Variants in NIF3L1 observed in about 807,000 individuals in gnomAD.
NIF3L1 encodes the protein NIF3-like protein 1.
Under a neutral mutation model 35.0 loss-of-function variants are expected in NIF3L1, and 26 were observed. That is an observed-to-expected ratio of 0.74 (90% CI 0.54 to 1.03). NIF3L1 has a LOEUF of 1.03. Ranked by LOEUF, NIF3L1 falls within the 50% of genes least tolerant of loss-of-function variation. NIF3L1 has a pLI of 0.00. For missense variants in NIF3L1, 449 were observed against 466.3 expected (o/e 0.96, Z 0.34); for synonymous variants, 157 against 178.9 (o/e 0.88, Z 0.98).
At chr2:200,891,008 G>T (rs1346902591) in intron 1 of NIF3L1, among the ~76,000 whole-genome samples, 1 of 150,870 alleles carries the variant, frequency 6.6e-6, no homozygotes, top group African/African-American at 2.4e-5. Context: ...CGCCAGGCTG[G>T]AGTGCTGTGG....
intron 4 of NIF3L1, 85 bp from the exon 5 acceptor site, chr2:200,896,991 C>G: frequency 1.5e-6 from 2 of 1,322,836 alleles, no homozygotes; most frequent in Non-Finnish European, 1.1e-6. Flanking sequence ...CTATAGTAAT[C>G]TCACAGTGTG....
chr2:200,893,267 T>G lies in NIF3L1; in HGVS notation c.458T>G (p.Ile153Arg). The G allele has an allele frequency of 1.3e-6, 2 of 1,562,934 alleles. No homozygotes were observed. Among genetic ancestry groups the G allele is most frequent in the Non-Finnish European group, 1.7e-6 (2 of 1,152,902 alleles). Residue 153 changes from isoleucine (I) to arginine (R), a missense_variant, in exon 3 of 7, where the codon ATA becomes AGA. Transcript: ENST00000409020. ...KGLGACTSRP[I>R]HPSKAPNYPT... is the part of the protein sequence containing the mutation. ...CTAGGAGCTTGTACCTCCAGGCCCA[T>G]ACATCCTTCCAAAGCTCCCAACTAC...
intron 6 of NIF3L1, among the ~76,000 whole-genome samples, chr2:200,900,455 C>T (rs962728742): frequency 5.3e-5 from 8 of 152,240 alleles, no homozygotes; most frequent in African/African-American, 1.7e-4. Context: ...AGGCTCTAGG[C>T]TCTTAGCCCT....
intron 4 of NIF3L1, 22 bp downstream of exon 4, chr2:200,895,412 T>C: frequency 6.2e-7 from 1 of 1,612,344 alleles, no homozygotes; most frequent in Non-Finnish European, 8.5e-7. Flanking sequence ...ATTTTGTATT[T>C]GATCTTAAAA....
At chr2:200,899,567 G>T in intron 6 of NIF3L1, 99 bp downstream of exon 6, 1 of 751,878 alleles carries the variant, frequency 1.3e-6, no homozygotes, top group Non-Finnish European at 2.3e-6. Flanking sequence ...CCTAATTAAT[G>T]TTTTCTGAAC....
intron 6 of NIF3L1, among the ~76,000 whole-genome samples, 199 bp from the exon 7 acceptor site, chr2:200,903,295 G>A (rs899886610): frequency 1.3e-5 from 2 of 152,168 alleles, no homozygotes; most frequent in East Asian, 1.9e-4. Flanking sequence ...GAGCCACCGC[G>A]CCCAGACTTT....
chr2:200,893,813 C>T (rs1215616712), intron 3 of NIF3L1, among the ~76,000 whole-genome samples: 1 of 152,100 alleles, frequency 6.6e-6, no homozygotes, highest in Non-Finnish European at 1.5e-5. Context: ...TATATATTTT[C>T]ATAAATCAGT....
Position 200,895,259 on chromosome 2 carries a change from C to T in NIF3L1, c.600-5C>T. On this transcript the variant is annotated splice_region_variant and splice_polypyrimidine_tract_variant and intron_variant, in intron 3 of 6. Transcript: ENST00000409020. ...GTCCTAAATGGAGTGATTTTTCCCC[C>T]CTAGGACTGGTAATGAGGAACAAAC... 6.2e-7 allele frequency: 1 copy of T among 1,613,534 alleles called. No individual in the cohort carries two copies. The highest frequency in any genetic ancestry group is 8.5e-7 in the Non-Finnish European group (1 of 1,179,590).
At chr2:200,897,682 T>A (rs1006406084) in intron 5 of NIF3L1, among the ~76,000 whole-genome samples, 6 of 152,248 alleles carry the variant, frequency 3.9e-5, no homozygotes, top group African/African-American at 1.4e-4. Flanking sequence ...TTTGCACTTA[T>A]AAGACTGGTA....
At chr2:200,898,860 T>C (rs781222610) in intron 5 of NIF3L1, among the ~76,000 whole-genome samples, 66 of 152,198 alleles carry the variant, frequency 4.3e-4, no homozygotes, top group Non-Finnish European at 7.5e-4. Context: ...CTTAGCTTCC[T>C]CACCTGAGAA....
upstream of NIF3L1, chr2:200,889,333 C>T (rs1216110872): frequency 3.5e-6 from 1 of 283,646 alleles, no homozygotes; most frequent in African/African-American, 2.2e-5. Flanking sequence ...AGCCAAGTGC[C>T]ACAGCATCCG....
intron 5 of NIF3L1, among the ~76,000 whole-genome samples, chr2:200,898,209 G>GA (rs2040350180): frequency 6.6e-6 from 1 of 152,190 alleles, no homozygotes; most frequent in African/African-American, 2.4e-5. Context: ...CTGCTATGAA[G>GA]AAATACCTGA....
Position 200,892,356 on chromosome 2 carries a change from A to T in NIF3L1, c.413A>T (p.Asn138Ile), listed in dbSNP as rs776260033. 9.4e-6 allele frequency: 15 copies of T among 1,602,324 alleles called. No homozygotes were observed. The highest frequency in any genetic ancestry group is 1.3e-5 in the Non-Finnish European group (15 of 1,175,180). The change falls in exon 2 of 7, where the codon AAC (asparagine) becomes ATC (isoleucine). Residue 138 changes from asparagine (N) to isoleucine (I), a missense_variant. Transcript: ENST00000409020. ...TAYDAAPQGV[N>I]NWLAKGLGAC... ...TATGATGCTGCGCCCCAGGGCGTCAACAACTGGTTGGCTAAAGGGCTTGGT... is the reference window on the plus strand; with the variant it reads ...TATGATGCTGCGCCCCAGGGCGTCATCAACTGGTTGGCTAAAGGGCTTGGT...
intron 6 of NIF3L1, among the ~76,000 whole-genome samples, chr2:200,902,260 T>C (rs1318426381): frequency 3.3e-5 from 5 of 152,214 alleles, no homozygotes; most frequent in African/African-American, 4.8e-5. Flanking sequence ...ATTCACAAAC[T>C]GCATTTTAAG....
chr2:200,903,216 T>C (rs867756946), intron 6 of NIF3L1, among the ~76,000 whole-genome samples: 9 of 152,158 alleles, frequency 5.9e-5, no homozygotes, highest in Non-Finnish European at 8.8e-5. Context: ...TTGGCCAGGC[T>C]AGTCTAGCAC....
Position 200,892,121 on chromosome 2 carries a change from C to T in NIF3L1, c.178C>T (p.Pro60Ser). ...TGTTGGATTACTGGTGGAACCAAGC[C>T]CACCACATACTGTAAATACACTCTT... ...DNVGLLVEPS[P>S]PHTVNTLFLT... The change falls in exon 2 of 7, where the codon CCA becomes TCA. Residue 60 changes from proline to serine, a missense_variant. By Grantham distance (74) the Pro-to-Ser change is moderately conservative. Transcript: ENST00000409020. 1 of 1,614,146 alleles carries T rather than the reference C, an allele frequency of 6.2e-7. No individual in the cohort carries two copies. The highest frequency in any genetic ancestry group is 1.3e-5 in the African/African-American group (1 of 75,032).
chr2:200,901,268 C>T (rs932332094), intron 6 of NIF3L1, among the ~76,000 whole-genome samples: 2 of 152,174 alleles, frequency 1.3e-5, no homozygotes, highest in African/African-American at 2.4e-5. Context: ...TGTTAGTCTC[C>T]TTCAGTCTGG....
At chr2:200,896,730 G>A (rs1303250939) in intron 4 of NIF3L1, among the ~76,000 whole-genome samples, 2 of 152,104 alleles carry the variant, frequency 1.3e-5, no homozygotes, top group Admixed American at 6.6e-5. Context: ...GACTGCAGGC[G>A]CACGCCACTG....
rs975728269 is a variant in NIF3L1 at position 200,899,356 on chromosome 2, A to T, written c.866-29A>T. ...GTAAAATGAAAGGGAATTGTAAAGT[A>T]TTGGTCTCTTGTTTCCTCTGTTTTG... On this transcript the variant is annotated intron_variant, in intron 5 of 6. Transcript: ENST00000409020. 7 of 1,542,852 alleles carry T rather than the reference A, an allele frequency of 4.5e-6. No homozygotes were observed. The East Asian group carries it at 1.1e-4, about 25-fold the overall frequency.
Sources: allele counts gnomAD v4.1 joint callset (sites outside exome capture counted in the v4.1 genomes callset), GRCh38; gene constraint gnomAD v4.1.1; transcripts MANE v1.5; gene names NCBI Gene and HGNC (gene_info 2026-07-23, HGNC 2026-07-21).